The following NFIB variants were observed in gnomAD, a reference collection of about 807,000 sequenced individuals.
NFIB encodes nuclear factor I B, also known as nuclear factor 1 B-type.
NFIB carries 11 observed loss-of-function variants against 61.5 expected under a neutral mutation model. The observed-to-expected ratio is 0.18, with a 90% confidence interval of 0.11 to 0.30. NFIB has a LOEUF of 0.30. NFIB is among the 10% of genes least tolerant of loss of function. The pLI is 1.00. For missense variants in NFIB, 471 were observed against 608.9 expected, an observed-to-expected ratio of 0.77 and a Z score of 2.38; for synonymous variants, 260 against 216.5, an observed-to-expected ratio of 1.20 and a Z score of -1.76.
chr9:14,222,216 G>C (rs2051762874), intron 2 of NFIB, among the ~76,000 whole-genome samples: 1 of 152,142 alleles, frequency 6.6e-6, no homozygotes. Flanking sequence ...CTTGGAACAT[G>C]TAACTTCCTT....
At position 14,083,567 on chromosome 9, in the gene NFIB, C is replaced by T. The variant is rs1357124693; in HGVS notation, c.*4742G>A. 2.7e-5 allele frequency: 6 copies of T among 222,726 alleles called. No homozygotes were observed. The East Asian group carries it at 3.9e-4, about 14-fold the overall frequency. The allele number at this position is 222,726 out of a possible 1,614,324, so 13.8% of individuals were successfully genotyped here. A position where few individuals can be genotyped will look rare whatever the true frequency, so the allele number is the denominator to read the frequency against. ...GCAGCTGGTTAATGTTAACAAAAGA[C>T]CTTGACAGGAACATGTAAACTATAT... On this transcript the variant is annotated 3_prime_UTR_variant, in exon 11 of 11. Transcript: ENST00000380953.
intron 2 of NFIB, among the ~76,000 whole-genome samples, chr9:14,281,897 C>T (rs4740567): frequency 0.26 from 38,805 of 151,936 alleles, 5,754 homozygotes; most frequent in East Asian, 0.33. Flanking sequence ...TGACTAAATC[C>T]CATATTTATA....
At chr9:14,126,139 A>G (rs1317054979) in intron 6 of NFIB, among the ~76,000 whole-genome samples, 2 of 152,220 alleles carry the variant, frequency 1.3e-5, no homozygotes, top group Non-Finnish European at 2.9e-5. Flanking sequence ...GACAGAGGAT[A>G]ACTGCTGCAA....
At chr9:14,199,281 G>C (rs1045318233) in intron 2 of NFIB, among the ~76,000 whole-genome samples, 2 of 152,224 alleles carry the variant, frequency 1.3e-5, no homozygotes, top group South Asian at 2.1e-4. Context: ...AGGAAGACAG[G>C]AAGCCGGGAG....
At chr9:14,182,521 G>C (rs1455803752) in intron 2 of NFIB, among the ~76,000 whole-genome samples, 2 of 152,102 alleles carry the variant, frequency 1.3e-5, no homozygotes, top group Admixed American at 1.3e-4. Context: ...AGGGAGTCGT[G>C]GTTGGCAGAG....
intron 4 of NFIB, among the ~76,000 whole-genome samples, chr9:14,151,475 A>G (rs2042867210): frequency 6.6e-6 from 1 of 151,824 alleles, no homozygotes; most frequent in Non-Finnish European, 1.5e-5. Flanking sequence ...TAAAACATTC[A>G]TGCGAAACAC....
At chr9:14,502,453 C>T in the NFIB span, among the ~76,000 whole-genome samples, 2 of 152,198 alleles carry the variant, frequency 1.3e-5, no homozygotes, top group Admixed American at 1.3e-4. Flanking sequence ...TCTCCAGGGA[C>T]AGGAAATCTA....
chr9:14,396,267 T>C (rs1295926394), intron 1 of NFIB, among the ~76,000 whole-genome samples: 3 of 152,040 alleles, frequency 2.0e-5, no homozygotes, highest in African/African-American at 7.2e-5. Context: ...ATTGGCTAAA[T>C]CACCTTATTA....
At chr9:14,113,974 T>C (rs546914756) in intron 9 of NFIB, among the ~76,000 whole-genome samples, 1 of 152,184 alleles carries the variant, frequency 6.6e-6, no homozygotes, top group Non-Finnish European at 1.5e-5. Flanking sequence ...CTGAGGTATC[T>C]TCCCAGAACT....
At chr9:14,451,714 C>T in the NFIB span, among the ~76,000 whole-genome samples, 3 of 152,120 alleles carry the variant, frequency 2.0e-5, no homozygotes, top group Non-Finnish European at 4.4e-5. Context: ...GGGCTTTAGT[C>T]TCCCATTTAA....
At chr9:14,205,726 T>C (rs1000552711) in intron 2 of NFIB, among the ~76,000 whole-genome samples, 8 of 152,226 alleles carry the variant, frequency 5.3e-5, no homozygotes, top group African/African-American at 1.4e-4. Context: ...AATTCCATAA[T>C]GCTGACACAA....
chr9:14,241,681 C>A (rs2054372092), intron 2 of NFIB, among the ~76,000 whole-genome samples: 4 of 152,028 alleles, frequency 2.6e-5, no homozygotes, highest in Admixed American at 2.6e-4. Context: ...GGCCCACAAC[C>A]ATATGCTTCC....
At chr9:14,393,580 C>A (rs2061649868) in intron 1 of NFIB, among the ~76,000 whole-genome samples, 1 of 152,152 alleles carries the variant, frequency 6.6e-6, no homozygotes, top group South Asian at 2.1e-4. Context: ...AGCTCTGAGT[C>A]CAGCACATCT....
the NFIB span, among the ~76,000 whole-genome samples, chr9:14,463,786 G>A: frequency 2.0e-5 from 3 of 148,246 alleles, no homozygotes; most frequent in East Asian, 2.1e-4. Flanking sequence ...TCAGCCTCCC[G>A]AGTAGCTGGG....
chr9:14,100,898 T>A (rs1213151496), intron 10 of NFIB, among the ~76,000 whole-genome samples: 3 of 152,214 alleles, frequency 2.0e-5, no homozygotes, highest in African/African-American at 7.2e-5. Context: ...GGTTTGCAAT[T>A]GTTATAAATA....
At chr9:14,438,316 G>T in the NFIB span, among the ~76,000 whole-genome samples, 3 of 152,172 alleles carry the variant, frequency 2.0e-5, no homozygotes, top group Admixed American at 6.5e-5. Context: ...AGAAAGAAAC[G>T]CTGGGTGCTA....
intron 2 of NFIB, among the ~76,000 whole-genome samples, chr9:14,181,828 C>T (rs2046813720): frequency 6.6e-6 from 1 of 152,158 alleles, no homozygotes. Context: ...CTCAAGGTGG[C>T]TAATGCCAAG....
At chr9:14,441,942 A>G in the NFIB span, among the ~76,000 whole-genome samples, 1 of 152,184 alleles carries the variant, frequency 6.6e-6, no homozygotes, top group Non-Finnish European at 1.5e-5. Flanking sequence ...CCCATGAATG[A>G]TTGTTTTAAA....
At chr9:14,392,457 G>A (rs1192204998) in intron 1 of NFIB, among the ~76,000 whole-genome samples, 1 of 152,218 alleles carries the variant, frequency 6.6e-6, no homozygotes, top group African/African-American at 2.4e-5. Context: ...ACTGGGCACA[G>A]TGGCTCAGGC....
Sources: gnomAD v4.1 joint callset for allele counts (sites outside exome capture counted in the v4.1 genomes callset) on GRCh38, gnomAD v4.1.1 for gene constraint, MANE v1.5 for transcripts, NCBI Gene and HGNC (gene_info 2026-07-23, HGNC 2026-07-21) for gene names.